The following COLQ variants were observed in gnomAD, a reference collection of about 807,000 sequenced individuals.
The protein encoded by COLQ is acetylcholinesterase collagenic tail peptide.
A neutral mutation model predicts 69.0 loss-of-function variants in COLQ; 48 were observed. That is an observed-to-expected ratio of 0.70 (90% confidence interval 0.55 to 0.88). COLQ has a LOEUF of 0.88. Ranked by LOEUF, COLQ falls within the 40% of genes least tolerant of loss-of-function variation. The pLI, the probability that COLQ is intolerant of heterozygous loss-of-function variation, is 0.00. For synonymous variants in COLQ, 217 were observed against 211.2 expected (o/e 1.03, Z -0.24); for missense variants, 618 against 594.6 (o/e 1.04, Z -0.41).
At chr3:15,486,496 G>A (rs796395391) in intron 3 of COLQ, among the ~76,000 whole-genome samples, 1 of 152,204 alleles carries the variant, frequency 6.6e-6, no homozygotes, top group African/African-American at 2.4e-5. Flanking sequence ...GGGATTGCAC[G>A]AGGTTAGAGA....
intron 12 of COLQ, 34 bp downstream of exon 12, chr3:15,466,293 CTGGCCAGTACTCCA>C (rs2062198195): frequency 7.2e-7 from 1 of 1,380,266 alleles, no homozygotes; most frequent in Admixed American, 1.7e-5. Flanking sequence ...CTCTGGGAGG[CTGGCCAGTACTCCA>C]ACAGTGGATC....
chr3:15,450,226 C>T lies in COLQ; in HGVS notation c.*1418G>A, dbSNP rs1559509237. On this transcript the variant is annotated 3_prime_UTR_variant, in exon 17 of 17. Coordinates refer to ENST00000383788, the MANE Select transcript of COLQ (RefSeq NM_005677.4). ...ATGAAAACAACATCTCCCCAGGCCTCGCAGTAGAGGCGAAGGGAACAGGGC... is the reference window on the plus strand; with the variant it reads ...ATGAAAACAACATCTCCCCAGGCCTTGCAGTAGAGGCGAAGGGAACAGGGC... The T allele has an allele frequency of 2.6e-5, 4 of 152,926 alleles. No homozygotes were observed. Among genetic ancestry groups the T allele is most frequent in the Admixed American group, 1.3e-4 (2 of 15,272 alleles). The allele number at this position is 152,926 out of a possible 1,614,324, so 9.5% of individuals were successfully genotyped here. A position where few individuals can be genotyped will look rare whatever the true frequency, so the allele number is the denominator to read the frequency against.
chr3:15,456,113 G>A, intron 14 of COLQ, 94 bp from the exon 15 acceptor site: 7 of 1,430,776 alleles, frequency 4.9e-6, no homozygotes, highest in Middle Eastern at 1.7e-4. Context: ...AGGCACTGCT[G>A]GGGGGCATGC....
At chr3:15,498,414 C>T in intron 1 of COLQ, 1 of 1,304,004 alleles carries the variant, frequency 7.7e-7, no homozygotes, top group Non-Finnish European at 1.1e-6. Flanking sequence ...CTGCTAAAAC[C>T]TCCTAGTACA....
At chr3:15,475,612 C>A in intron 6 of COLQ, 125 bp from the exon 7 acceptor site, 2 of 815,002 alleles carry the variant, frequency 2.5e-6, no homozygotes, top group Non-Finnish European at 4.1e-6. Context: ...CTGAGGACCC[C>A]AGATGCACCC....
intron 1 of COLQ, among the ~76,000 whole-genome samples, chr3:15,518,840 A>G (rs555037393): frequency 6.6e-6 from 1 of 152,352 alleles, no homozygotes; most frequent in African/African-American, 2.4e-5. Context: ...TGAAGCACAC[A>G]TTAGAGTGCC....
intron 15 of COLQ, 60 bp downstream of exon 15, chr3:15,455,839 C>G (rs886615963): frequency 1.2e-6 from 2 of 1,609,448 alleles, no homozygotes; most frequent in Admixed American, 3.3e-5. Flanking sequence ...CAGGGCTGGC[C>G]CTGAGTCCCA....
chr3:15,513,328 T>A (rs1181290779), intron 1 of COLQ, among the ~76,000 whole-genome samples: 4 of 152,186 alleles, frequency 2.6e-5, no homozygotes, highest in South Asian at 2.1e-4. Context: ...AGAGGACACT[T>A]CCCTGCCCAC....
At chr3:15,493,716 G>T (rs1467746425) in intron 1 of COLQ, among the ~76,000 whole-genome samples, 1 of 152,222 alleles carries the variant, frequency 6.6e-6, no homozygotes, top group Non-Finnish European at 1.5e-5. Context: ...AGGATCTCAG[G>T]GTCTGTCACC....
rs181050297 is a variant in COLQ at position 15,490,330 on chromosome 3, G to C, written c.107-693C>G. On this transcript the variant is annotated intron_variant, in intron 1 of 16. Coordinates refer to ENST00000383788, the MANE Select transcript of COLQ (RefSeq NM_005677.4). ...TTACAAAAAGTACACAGATCAATAA[G>C]TTACAGTTCAACAGATCTCCATAAG... Among the ~76,000 whole-genome samples, 28 of 152,312 alleles carry C rather than the reference G, an allele frequency of 1.8e-4. 1 individual carries two copies. The highest frequency in any genetic ancestry group is 1.5e-3 in the Admixed American group (23 of 15,300).
chr3:15,466,311 G>GC (rs375290363), intron 12 of COLQ, 30 bp downstream of exon 12: 4 of 1,524,290 alleles, frequency 2.6e-6, no homozygotes, highest in African/African-American at 2.7e-5. Context: ...TACTCCAACA[G>GC]TGGATCAAGT....
intron 11 of COLQ, among the ~76,000 whole-genome samples, chr3:15,468,570 G>A (rs1380895928): frequency 6.6e-6 from 1 of 152,122 alleles, no homozygotes; most frequent in Non-Finnish European, 1.5e-5. Flanking sequence ...CTGACCTCAG[G>A]TGATCTGCCT....
chr3:15,457,087 G>A (rs2062036915), intron 13 of COLQ, among the ~76,000 whole-genome samples: 2 of 152,100 alleles, frequency 1.3e-5, no homozygotes, highest in African/African-American at 2.4e-5. Context: ...GCCTCCCAAA[G>A]TTCTGGGATT....
intron 3 of COLQ, among the ~76,000 whole-genome samples, chr3:15,486,436 G>A (rs2062576197): frequency 1.3e-5 from 2 of 152,212 alleles, no homozygotes; most frequent in African/African-American, 4.8e-5. Flanking sequence ...CATGAAGGTG[G>A]CTACACAGGA....
At chr3:15,455,804 G>C (rs2062015057) in intron 15 of COLQ, 95 bp downstream of exon 15, 1 of 1,545,996 alleles carries the variant, frequency 6.5e-7, no homozygotes, top group Non-Finnish European at 8.9e-7. Flanking sequence ...CTCTAGAAAG[G>C]TCCCAAAGCA....
At chr3:15,488,411 G>T in intron 2 of COLQ, 104 bp from the exon 3 acceptor site, 2 of 904,778 alleles carry the variant, frequency 2.2e-6, no homozygotes, top group African/African-American at 3.3e-5. Flanking sequence ...TCTAAGCCTG[G>T]CAGTTCCCTG....
intron 12 of COLQ, 148 bp from the exon 13 acceptor site, chr3:15,458,473 T>C: frequency 1.1e-6 from 1 of 885,460 alleles, no homozygotes; most frequent in East Asian, 2.6e-5. Flanking sequence ...AAGAGATGCT[T>C]TTGATCCAAG....
intron 1 of COLQ, chr3:15,498,395 A>T: frequency 9.2e-7 from 1 of 1,092,086 alleles, no homozygotes. Context: ...AAGAAAAAAA[A>T]TTTAAAGGCT....
At position 15,517,074 on chromosome 3, in the gene COLQ, G is replaced by A. The variant is rs529141937; in HGVS notation, c.106+4446C>T. ...TGACAATCGCTTGAACCTGGAAGGC[G>A]GAGGGTTGCAGTGAGCCGAGATCGC... On this transcript the variant is annotated intron_variant, in intron 1 of 16. Coordinates refer to ENST00000383788, the MANE Select transcript of COLQ (RefSeq NM_005677.4). Among the ~76,000 whole-genome samples the A allele has an allele frequency of 1.7e-4, 26 of 152,218 alleles. No homozygotes were observed. The South Asian group carries it at 2.9e-3, about 17-fold the overall frequency.
Sources: gnomAD v4.1 joint callset for allele counts (sites outside exome capture counted in the v4.1 genomes callset) on GRCh38, gnomAD v4.1.1 for gene constraint, MANE v1.5 for transcripts, NCBI Gene and HGNC (gene_info 2026-07-23, HGNC 2026-07-21) for gene names.